Variants in FGFR2 observed in about 807,000 individuals in gnomAD.
FGFR2 encodes the protein fibroblast growth factor receptor 2.
FGFR2 carries 19 observed loss-of-function variants against 95.9 expected under a neutral mutation model. That is an observed-to-expected ratio of 0.20 (90% CI 0.14 to 0.29). The LOEUF (loss-of-function observed/expected upper bound fraction) is 0.29. FGFR2 is among the 10% of genes least tolerant of loss of function. The probability of loss-of-function intolerance (pLI) is 1.00; values close to 1 mark genes in which losing one functional copy is unlikely to be tolerated. For synonymous variants in FGFR2, 392 were observed against 393.3 expected (o/e 1.00, Z 0.04); for missense variants, 707 against 1,056.9 (o/e 0.67, Z 4.59).
intron 2 of FGFR2, among the ~76,000 whole-genome samples, chr10:121,572,444 A>C (rs1442986711): frequency 1.3e-5 from 2 of 152,162 alleles, no homozygotes; most frequent in Non-Finnish European, 2.9e-5. Context: ...AACATGGTGA[A>C]ACCCATCTCT....
intron 5 of FGFR2, 133 bp downstream of exon 5, chr10:121,551,157 T>C: frequency 4.1e-6 from 4 of 972,252 alleles, no homozygotes; most frequent in Middle Eastern, 3.2e-4. Context: ...GAGATGGAGG[T>C]TGCAGTGAAC....
At chr10:121,513,522 A>G (rs1256611223) in intron 9 of FGFR2, among the ~76,000 whole-genome samples, 1 of 152,226 alleles carries the variant, frequency 6.6e-6, no homozygotes, top group Non-Finnish European at 1.5e-5. Context: ...TGGCCTAGCT[A>G]TGCCAAATTA....
chr10:121,592,894 C>A (rs1346406360), intron 2 of FGFR2, among the ~76,000 whole-genome samples: 1 of 152,144 alleles, frequency 6.6e-6, no homozygotes, highest in African/African-American at 2.4e-5. Context: ...ACCAATATTC[C>A]CTACTGATGA....
In FGFR2 at chr10:121,531,766, T is replaced by A. The variant is rs557670881; in HGVS notation, c.748+6826A>T. ...ACAGAACTTGACACCCCTCTCCACGTAATTTCCACCTGAACCTCCAGAGAG... is the reference window on the plus strand; with the variant it reads ...ACAGAACTTGACACCCCTCTCCACGAAATTTCCACCTGAACCTCCAGAGAG... On this transcript the variant is annotated intron_variant, in intron 6 of 17. Transcript: ENST00000358487. This position sits in a 1 kb window ranked among gnomAD's most constrained non-coding sequence, Gnocchi z 4.5. 6.6e-6 allele frequency among the ~76,000 whole-genome samples: 1 copy of A among 152,226 alleles called. No homozygotes were observed. The highest frequency in any genetic ancestry group is 2.1e-4 in the South Asian group (1 of 4,812).
Position 121,590,629 on chromosome 10 carries a change from C to T in FGFR2, c.109+3080G>A, listed in dbSNP as rs145490438. 1.1e-4 allele frequency among the ~76,000 whole-genome samples: 17 copies of T among 152,206 alleles called. No individual in the cohort carries two copies. In the East Asian group the frequency reaches 2.9e-3, roughly 26 times the overall value. On this transcript the variant is annotated intron_variant, in intron 2 of 17. Transcript: ENST00000358487. ...CAACCCCACTGCTACTATTTCAGAA[C>T]GTGTCCAGAAGACAAATGATATATA...
chr10:121,563,818 C>T (rs575112592), intron 4 of FGFR2, among the ~76,000 whole-genome samples: 1 of 152,228 alleles, frequency 6.6e-6, no homozygotes. Context: ...AATGGCCTCT[C>T]CCATGTTAGC....
Position 121,534,349 on chromosome 10 carries a change from G to A in FGFR2, c.748+4243C>T, listed in dbSNP as rs534042682. Reference sequence around the variant, plus strand: ...CCTGACCTCATGATCTGCCTGCCTCGGCCTCCCAAACTGCTGGGATTACAG... The same window carrying A: ...CCTGACCTCATGATCTGCCTGCCTCAGCCTCCCAAACTGCTGGGATTACAG... On this transcript the variant is annotated intron_variant, in intron 6 of 17. Coordinates refer to ENST00000358487, the MANE Select transcript of FGFR2 (RefSeq NM_000141.5). Among the ~76,000 whole-genome samples the A allele has an allele frequency of 3.6e-4, 55 of 151,220 alleles. 1 individual carries two copies. The highest frequency in any genetic ancestry group is 2.0e-3 in the East Asian group (10 of 5,102).
chr10:121,481,831 TTTATTTTTA>T lies in FGFR2; in HGVS notation c.2302-1819_2302-1811del, dbSNP rs1488355903. The T allele has an allele frequency of 1.0e-4, 19 of 188,920 alleles. 1 individual carries two copies. Among genetic ancestry groups the T allele is most frequent in the Middle Eastern group, 1.8e-3 (1 of 564 alleles). 11.7% of individuals were successfully genotyped at this position (188,920 alleles called of 1,614,324 possible). A position where few individuals can be genotyped will look rare whatever the true frequency, so the allele number is the denominator to read the frequency against. The stretch of plus-strand genomic sequence containing the variant: ...AGTGCTTTTCCCGGTTTCTTTCTTT[TTTATTTTTA>T]TTTTTTTTTTTTTTGAGACGGAGTC... On this transcript the variant is annotated intron_variant, in intron 17 of 17. Coordinates refer to ENST00000358487, the MANE Select transcript of FGFR2 (RefSeq NM_000141.5).
rs2981461 is a variant in FGFR2 at position 121,487,523 on chromosome 10, C to T, written c.1987-99G>A. The T allele has an allele frequency of 0.56, 552,359 of 991,590 alleles. 160,533 individuals carry two copies. The highest frequency in any genetic ancestry group is 0.68 in the Admixed American group (33,529 of 49,428). The allele number at this position is 991,590 out of a possible 1,614,324, so 61.4% of individuals were successfully genotyped here. ...TGCCCTGTTTAAGAGCTGATATTCTCGGTTTTTACTAGTCAGTCAATAGAG... is the reference window on the plus strand; with the variant it reads ...TGCCCTGTTTAAGAGCTGATATTCTTGGTTTTTACTAGTCAGTCAATAGAG... On this transcript the variant is annotated intron_variant, in intron 14 of 17. Transcript: ENST00000358487.
At chr10:121,516,405 C>G (rs1216539036) in intron 8 of FGFR2, among the ~76,000 whole-genome samples, 1 of 152,152 alleles carries the variant, frequency 6.6e-6, no homozygotes, top group African/African-American at 2.4e-5. Context: ...AAAATACTTG[C>G]AAGATAGTCA....
At chr10:121,497,856 C>T (rs1050101222) in intron 12 of FGFR2, among the ~76,000 whole-genome samples, 6 of 152,206 alleles carry the variant, frequency 3.9e-5, no homozygotes, top group Non-Finnish European at 5.9e-5. Context: ...AAAATATCTA[C>T]GACCTCCCTT....
At chr10:121,542,243 CT>C (rs1265920607) in intron 5 of FGFR2, among the ~76,000 whole-genome samples, 1 of 151,992 alleles carries the variant, frequency 6.6e-6, no homozygotes, top group Non-Finnish European at 1.5e-5. Context: ...AAGTATAAGC[CT>C]GACTATAAAC....
chr10:121,585,986 T>C (rs1312684402), intron 2 of FGFR2, among the ~76,000 whole-genome samples: 2 of 152,212 alleles, frequency 1.3e-5, no homozygotes, highest in African/African-American at 4.8e-5. Context: ...GTTTAAAACC[T>C]AAACTTAACC....
At chr10:121,574,852 C>T (rs778737793) in intron 2 of FGFR2, among the ~76,000 whole-genome samples, 1 of 152,198 alleles carries the variant, frequency 6.6e-6, no homozygotes, top group African/African-American at 2.4e-5. Context: ...AACATAAAAA[C>T]GGAGAACAAA....
intron 2 of FGFR2, among the ~76,000 whole-genome samples, chr10:121,582,070 T>C (rs1861018032): frequency 6.6e-6 from 1 of 152,116 alleles, no homozygotes; most frequent in African/African-American, 2.4e-5. Flanking sequence ...TACCTGGGAC[T>C]ACAGGTGCCT....
At chr10:121,512,323 C>T (rs1849156157) in intron 9 of FGFR2, among the ~76,000 whole-genome samples, 1 of 152,164 alleles carries the variant, frequency 6.6e-6, no homozygotes, top group Non-Finnish European at 1.5e-5. Context: ...ACCAAAGGGG[C>T]CATGCGTACT....
chr10:121,488,070 T>C lies in FGFR2; in HGVS notation c.1907A>G (p.Glu636Gly). ...DLAARNVLVT[E>G]NNVMKIADFG... ...GTCTGCTATTTTCATCACATTGTTT[T>C]CTGTTACCAAAACATTTCTGGCTGC... Residue 636 changes from glutamate (E) to glycine (G), a missense_variant, in exon 14 of 18, where the codon GAA becomes GGA. Around this residue, in one of 7 missense-constraint regions of FGFR2, gnomAD observed 104 missense variants for 214.2 expected, o/e 0.49. Coordinates refer to ENST00000358487, the MANE Select transcript of FGFR2 (RefSeq NM_000141.5). The C allele has an allele frequency of 6.2e-7, 1 of 1,614,204 alleles. No homozygotes were observed. The highest frequency in any genetic ancestry group is 8.5e-7 in the Non-Finnish European group (1 of 1,180,022).
intron 9 of FGFR2, among the ~76,000 whole-genome samples, chr10:121,505,914 G>A (rs541003993): frequency 1.3e-5 from 2 of 152,130 alleles, no homozygotes; most frequent in Admixed American, 1.3e-4. Flanking sequence ...CATCAGGGCC[G>A]TGTGCTGTGG....
At chr10:121,487,583 T>C (rs1333179537) in intron 14 of FGFR2, among the ~76,000 whole-genome samples, 159 bp from the exon 15 acceptor site, 1 of 152,244 alleles carries the variant, frequency 6.6e-6, no homozygotes, top group Non-Finnish European at 1.5e-5. Flanking sequence ...ATGAACAATG[T>C]GTGAGATGCA....
Sources: gnomAD v4.1 joint callset for allele counts (sites outside exome capture counted in the v4.1 genomes callset) on GRCh38, gnomAD v4.1.1 for gene constraint, gnomAD v4.1.1 regional missense constraint, Gnocchi (gnomAD v3.1) non-coding constraint, MANE v1.5 for transcripts, NCBI Gene and HGNC (gene_info 2026-07-23, HGNC 2026-07-21) for gene names.